The following GRM5 variants were observed in gnomAD, a reference collection of about 807,000 sequenced individuals.
GRM5 encodes glutamate metabotropic receptor 5.
Under a neutral mutation model 83.1 loss-of-function variants are expected in GRM5, and 19 were observed. That is an observed-to-expected ratio of 0.23 (90% CI 0.16 to 0.34). The LOEUF is 0.34. Among genes scored for constraint, GRM5 ranks in the 10% least tolerant of loss-of-function variants. The pLI is 1.00. For synonymous variants in GRM5, 675 were observed against 633.6 expected (o/e 1.07, Z -0.98); for missense variants, 1,160 against 1,588.3 (o/e 0.73, Z 4.58).
intron 1 of GRM5, among the ~76,000 whole-genome samples, chr11:89,049,320 A>T (rs1291972860): frequency 6.6e-6 from 1 of 152,174 alleles, no homozygotes; most frequent in African/African-American, 2.4e-5. Flanking sequence ...TTTCCATGGC[A>T]AATTCTAGCA....
intron 5 of GRM5, among the ~76,000 whole-genome samples, chr11:88,600,885 G>A (rs1417584895): frequency 2.0e-5 from 3 of 152,146 alleles, no homozygotes; most frequent in Admixed American, 6.5e-5. Flanking sequence ...TAAATTATCT[G>A]TGGGTTGGCA....
intron 3 of GRM5, among the ~76,000 whole-genome samples, chr11:88,667,726 T>A (rs1940080017): frequency 6.6e-6 from 1 of 151,904 alleles, no homozygotes; most frequent in African/African-American, 2.4e-5. Flanking sequence ...ACACCGTCTC[T>A]ACTTAAAAAA....
chr11:88,804,427 A>G (rs1442347126), intron 3 of GRM5, among the ~76,000 whole-genome samples: 4 of 150,438 alleles, frequency 2.7e-5, no homozygotes, highest in East Asian at 3.9e-4. Flanking sequence ...TCAGTAAACT[A>G]TCGCAAGAAC....
intron 2 of GRM5, among the ~76,000 whole-genome samples, chr11:88,967,312 T>G (rs1939018062): frequency 6.7e-6 from 1 of 150,000 alleles, no homozygotes. Flanking sequence ...TATTAAAGAT[T>G]AAAAACAAAA....
At chr11:88,745,969 C>T (rs576136760) in intron 3 of GRM5, among the ~76,000 whole-genome samples, 1 of 152,224 alleles carries the variant, frequency 6.6e-6, no homozygotes, top group East Asian at 1.9e-4. Flanking sequence ...TAAAACGAAC[C>T]TAAGATCACA....
At chr11:88,618,845 T>G (rs1260384831) in intron 4 of GRM5, among the ~76,000 whole-genome samples, 1 of 152,170 alleles carries the variant, frequency 6.6e-6, no homozygotes, top group East Asian at 1.9e-4. Flanking sequence ...CAACGATTAT[T>G]TTTTAGGGTC....
At chr11:88,629,975 T>C (rs61902037) in intron 4 of GRM5, among the ~76,000 whole-genome samples, 20,108 of 152,148 alleles carry the variant, frequency 0.13, 1,588 homozygotes, top group Middle Eastern at 0.19. Flanking sequence ...CTTACTTTGC[T>C]CCAGCCACTT....
chr11:88,987,349 G>A (rs1043526570), intron 2 of GRM5, among the ~76,000 whole-genome samples: 13 of 152,122 alleles, frequency 8.5e-5, no homozygotes, highest in East Asian at 1.9e-4. Context: ...CAGCTGGCTC[G>A]GAGGGTCCTA....
intron 3 of GRM5, among the ~76,000 whole-genome samples, chr11:88,733,143 T>C (rs562702836): frequency 6.6e-6 from 1 of 152,162 alleles, no homozygotes; most frequent in East Asian, 1.9e-4. Context: ...GTGTAGTTTC[T>C]CTGAGTATTG....
At chr11:88,540,048 A>T (rs1300979458) in intron 8 of GRM5, among the ~76,000 whole-genome samples, 2 of 152,228 alleles carry the variant, frequency 1.3e-5, no homozygotes, top group East Asian at 3.8e-4. Flanking sequence ...CAACTCAACA[A>T]GTGAAATGGT....
At chr11:88,570,328 C>T (rs1942961008) in intron 7 of GRM5, among the ~76,000 whole-genome samples, 1 of 151,466 alleles carries the variant, frequency 6.6e-6, no homozygotes, top group Non-Finnish European at 1.5e-5. Flanking sequence ...CTAAATATAA[C>T]TAAATACAAA....
intron 4 of GRM5, among the ~76,000 whole-genome samples, chr11:88,624,926 T>G (rs2135262478): frequency 6.6e-6 from 1 of 152,318 alleles, no homozygotes; most frequent in Middle Eastern, 3.4e-3. Context: ...AAGATGGTGT[T>G]ATTGCTAGGG....
chr11:88,885,488 GT>G (rs1272936888), intron 2 of GRM5, among the ~76,000 whole-genome samples: 1 of 75,028 alleles, frequency 1.3e-5, no homozygotes, highest in African/African-American at 7.5e-5. Context: ...TTTTTTTTTG[GT>G]AAACCAGCTG....
intron 4 of GRM5, among the ~76,000 whole-genome samples, chr11:88,618,901 C>T (rs79407006): frequency 3.9e-5 from 6 of 152,096 alleles, no homozygotes; most frequent in Non-Finnish European, 7.4e-5. Context: ...TGTACTAAGC[C>T]GACTTGACTT....
chr11:88,597,113 A>T (rs1937830632), intron 6 of GRM5, 71 bp downstream of exon 6: 5 of 982,878 alleles, frequency 5.1e-6, no homozygotes, highest in Admixed American at 2.7e-5. Context: ...TAAAATTTTT[A>T]AAAATAGCCA....
At chr11:88,881,404 G>T (rs1412097579) in intron 2 of GRM5, among the ~76,000 whole-genome samples, 2 of 145,846 alleles carry the variant, frequency 1.4e-5, no homozygotes, top group African/African-American at 4.9e-5. Context: ...AATAACTGTA[G>T]AAAGTTACTT....
intron 8 of GRM5, among the ~76,000 whole-genome samples, chr11:88,565,783 A>C (rs903559638): frequency 6.6e-6 from 1 of 152,212 alleles, no homozygotes; most frequent in Non-Finnish European, 1.5e-5. Context: ...GTCTTGTACA[A>C]TGTACGTAGA....
intron 3 of GRM5, among the ~76,000 whole-genome samples, chr11:88,695,515 T>A (rs1940880824): frequency 6.6e-6 from 1 of 152,202 alleles, no homozygotes; most frequent in South Asian, 2.1e-4. Context: ...CTTTTTTGAC[T>A]AAGTCCTCTA....
intron 7 of GRM5, among the ~76,000 whole-genome samples, chr11:88,585,586 T>A (rs1378066686): frequency 6.6e-6 from 1 of 152,192 alleles, no homozygotes; most frequent in East Asian, 1.9e-4. Flanking sequence ...ACAACACTCT[T>A]CTCTTTCATT....
Sources: gnomAD v4.1 joint callset for allele counts (sites outside exome capture counted in the v4.1 genomes callset) on GRCh38, gnomAD v4.1.1 for gene constraint, MANE v1.5 for transcripts, NCBI Gene and HGNC (gene_info 2026-07-23, HGNC 2026-07-21) for gene names.